Variants in ADAM12 observed in about 807,000 individuals in gnomAD.
ADAM12 encodes ADAM metallopeptidase domain 12.
Under a neutral mutation model 106.4 loss-of-function variants are expected in ADAM12, and 70 were observed. The observed-to-expected ratio is 0.66, with a 90% CI of 0.54 to 0.80. The LOEUF (loss-of-function observed/expected upper bound fraction) is 0.80, where lower values mean the gene tolerates loss of function less well. Among genes scored for constraint, ADAM12 ranks in the 30% least tolerant of loss-of-function variants. ADAM12 has a pLI of 0.00. For synonymous variants in ADAM12, 420 were observed against 433.5 expected, an observed-to-expected ratio of 0.97 and a Z score of 0.39; for missense variants, 1,010 against 1,171.9, an observed-to-expected ratio of 0.86 and a Z score of 2.02.
chr10:126,024,487 T>A (rs7071950), intron 21 of ADAM12, among the ~76,000 whole-genome samples: 1 of 152,048 alleles, frequency 6.6e-6, no homozygotes, highest in Non-Finnish European at 1.5e-5. Context: ...TTAAAAAATA[T>A]ACACTACAAA....
At chr10:126,343,785 A>G (rs1218851626) in intron 1 of ADAM12, among the ~76,000 whole-genome samples, 2 of 152,152 alleles carry the variant, frequency 1.3e-5, no homozygotes, top group Non-Finnish European at 2.9e-5. Flanking sequence ...GCCAGTGATG[A>G]GGAGCATTTT....
intron 4 of ADAM12, among the ~76,000 whole-genome samples, chr10:126,141,217 CA>C (rs1565090011): frequency 6.6e-6 from 1 of 152,258 alleles, no homozygotes; most frequent in Non-Finnish European, 1.5e-5. Context: ...GCTGTGGCCA[CA>C]ACCCTCTGCA....
rs138292720 is a variant in ADAM12 at position 126,314,089 on chromosome 10, G to A, written c.186+16323C>T. Among the ~76,000 whole-genome samples, 7 of 152,176 alleles carry A rather than the reference G, an allele frequency of 4.6e-5. No homozygotes were observed. In the East Asian group the frequency reaches 1.4e-3, roughly 29 times the overall value. ...CTCTCCTGGACAAAAGCCAGAGGAG[G>A]AGCCAAGCCAGGAATAAGATGAGAA... On this transcript the variant is annotated intron_variant, in intron 2 of 22. Transcript: ENST00000448723.
At chr10:126,191,959 G>C (rs2133804573) in intron 3 of ADAM12, among the ~76,000 whole-genome samples, 1 of 152,296 alleles carries the variant, frequency 6.6e-6, no homozygotes, top group African/African-American at 2.4e-5. Context: ...TACATGGCTG[G>C]ATGAGGAAGA....
chr10:126,135,697 A>G, intron 4 of ADAM12, 37 bp from the exon 5 acceptor site: 1 of 1,586,500 alleles, frequency 6.3e-7, no homozygotes, highest in Non-Finnish European at 8.7e-7. Context: ...TTTCAGTTAT[A>G]ACACATTTTT....
At chr10:126,063,188 C>A (rs984654867) in intron 14 of ADAM12, among the ~76,000 whole-genome samples, 5 of 152,162 alleles carry the variant, frequency 3.3e-5, no homozygotes, top group Non-Finnish European at 5.9e-5. Context: ...CCTGCCCACG[C>A]GCATCCCTGA....
chr10:126,268,457 A>T (rs1959144204), intron 3 of ADAM12, among the ~76,000 whole-genome samples: 1 of 152,176 alleles, frequency 6.6e-6, no homozygotes, highest in Non-Finnish European at 1.5e-5. Flanking sequence ...TCTCTCTGTA[A>T]GTCCCTGATG....
In ADAM12 at chr10:126,138,262, T is replaced by C. The variant is rs1026000315; in HGVS notation, c.340-2602A>G. Among the ~76,000 whole-genome samples, 4 of 152,358 alleles carry C rather than the reference T, an allele frequency of 2.6e-5. No homozygotes were observed. The East Asian group carries it at 7.7e-4, about 29-fold the overall frequency. On this transcript the variant is annotated intron_variant, in intron 4 of 22. Transcript: ENST00000448723. ...AATTGGATTTTGGTGTTTTTATTGT[T>C]GAGTTAGAAGAGTTCTTCACATATT...
chr10:126,063,557 T>G (rs1289261078), intron 14 of ADAM12, among the ~76,000 whole-genome samples: 4 of 152,222 alleles, frequency 2.6e-5, no homozygotes, highest in Non-Finnish European at 5.9e-5. Flanking sequence ...TGCCTGATTC[T>G]GCTTGGCTTT....
chr10:126,264,883 G>A lies in ADAM12; in HGVS notation c.260+14032C>T, dbSNP rs569756004. Among the ~76,000 whole-genome samples, 10 of 152,182 alleles carry A rather than the reference G, an allele frequency of 6.6e-5. 1 individual carries two copies. The highest frequency in any genetic ancestry group is 2.6e-4 in the Admixed American group (4 of 15,278). On this transcript the variant is annotated intron_variant, in intron 3 of 22. Coordinates refer to ENST00000448723, the MANE Select transcript of ADAM12 (RefSeq NM_001288973.2). Reference sequence around the variant, plus strand: ...TGTTCTCACCCCAGCATCTACCTCCGTGCCAGATGTGAGGATGCCTTTGTC... The same window carrying A: ...TGTTCTCACCCCAGCATCTACCTCCATGCCAGATGTGAGGATGCCTTTGTC...
intron 21 of ADAM12, among the ~76,000 whole-genome samples, chr10:126,021,199 C>T (rs1953760744): frequency 6.6e-6 from 1 of 152,116 alleles, no homozygotes; most frequent in Non-Finnish European, 1.5e-5. Flanking sequence ...CACAGAATGT[C>T]TGTTGGAAAT....
intron 19 of ADAM12, 47 bp from the exon 20 acceptor site, chr10:126,038,396 C>A: frequency 7.0e-7 from 1 of 1,437,924 alleles, no homozygotes; most frequent in Admixed American, 2.5e-5. Context: ...TTCCCCTTCT[C>A]ACTGACTTGA....
intron 4 of ADAM12, among the ~76,000 whole-genome samples, chr10:126,139,152 G>A (rs1956462661): frequency 6.6e-6 from 1 of 152,118 alleles, no homozygotes; most frequent in African/African-American, 2.4e-5. Flanking sequence ...CTGAAGTACA[G>A]GTCAGTTTGG....
chr10:126,301,100 G>A (rs1461246480), intron 2 of ADAM12, among the ~76,000 whole-genome samples: 1 of 152,208 alleles, frequency 6.6e-6, no homozygotes, highest in Non-Finnish European at 1.5e-5. Context: ...CCAGTGGGTA[G>A]AGTCCAGGGG....
At chr10:126,058,207 A>G (rs1163677455) in intron 14 of ADAM12, among the ~76,000 whole-genome samples, 1 of 152,182 alleles carries the variant, frequency 6.6e-6, no homozygotes, top group Non-Finnish European at 1.5e-5. Flanking sequence ...TTGCCTCCTG[A>G]GAGGCCCCAG....
chr10:126,049,628 A>G lies in ADAM12; in HGVS notation c.1651T>C (p.Ser551Pro). 1 of 1,614,134 alleles carries G rather than the reference A, an allele frequency of 6.2e-7. No individual in the cohort carries two copies. The highest frequency in any genetic ancestry group is 8.5e-7 in the Non-Finnish European group (1 of 1,180,024). ...APGICFERVNSAGDPYGNCGK... is the reference protein window; with the variant it reads ...APGICFERVNPAGDPYGNCGK... ...CAGTTGCCATAAGGATCACCTGCAG[A>G]ATTGACTCTCTCAAAGCAGATCCCA... The change falls in exon 15 of 23, where the codon TCT becomes CCT. Residue 551 changes from serine (S) to proline (P), a missense_variant. Physicochemically the swap from Ser to Pro is moderately conservative, Grantham distance 74. Transcript: ENST00000448723. The surrounding 1 kb of genome is among the most constrained non-coding windows in gnomAD (Gnocchi z 4.4).
chr10:126,182,388 A>C (rs576404021), intron 3 of ADAM12, among the ~76,000 whole-genome samples: 1 of 150,732 alleles, frequency 6.6e-6, no homozygotes, highest in South Asian at 2.1e-4. Flanking sequence ...ACCAGGGACC[A>C]AGATTTGTCC....
intron 21 of ADAM12, among the ~76,000 whole-genome samples, chr10:126,030,864 G>A (rs1319680284): frequency 2.6e-5 from 4 of 152,204 alleles, no homozygotes; most frequent in East Asian, 1.9e-4. Context: ...TCATTAATCC[G>A]TAACTGAGTG....
chr10:126,285,195 A>C (rs1328521087), intron 2 of ADAM12, among the ~76,000 whole-genome samples: 14 of 152,216 alleles, frequency 9.2e-5, no homozygotes, highest in Admixed American at 9.2e-4. Flanking sequence ...GGTAGGAGAG[A>C]AGGAAAGGGT....
Sources: allele counts gnomAD v4.1 joint callset (sites outside exome capture counted in the v4.1 genomes callset), GRCh38; gene constraint gnomAD v4.1.1; non-coding constraint Gnocchi (gnomAD v3.1); transcripts MANE v1.5; gene names NCBI Gene and HGNC (gene_info 2026-07-23, HGNC 2026-07-21).